The following SMARCAD1 variants were observed in gnomAD, a reference collection of about 807,000 sequenced individuals.
SMARCAD1 encodes the protein SWI/SNF-related matrix-associated actin-dependent regulator of chromatin subfamily A containing DEAD/H box 1.
SMARCAD1 carries 25 observed loss-of-function variants against 127.1 expected under a neutral mutation model. That is an observed-to-expected ratio of 0.20 (90% CI 0.14 to 0.27). SMARCAD1 has a LOEUF of 0.27. Among genes scored for constraint, SMARCAD1 ranks in the 10% least tolerant of loss-of-function variants. The pLI is 1.00. For missense variants in SMARCAD1, 807 were observed against 1,206.0 expected (o/e 0.67, Z 4.90); for synonymous variants, 400 against 396.9 (o/e 1.01, Z -0.09).
chr4:94,283,652 C>T (rs1020438369), intron 22 of SMARCAD1, among the ~76,000 whole-genome samples: 11 of 152,078 alleles, frequency 7.2e-5, no homozygotes, highest in South Asian at 2.1e-4. Flanking sequence ...GGTGAAACCC[C>T]GTCTCTATTA....
intron 2 of SMARCAD1, among the ~76,000 whole-genome samples, chr4:94,212,162 T>A (rs1407859183): frequency 6.6e-6 from 1 of 152,146 alleles, no homozygotes; most frequent in Admixed American, 6.5e-5. Flanking sequence ...ACTTTATACA[T>A]TTTTTAAAAT....
chr4:94,269,853 G>T (rs1752289089), intron 10 of SMARCAD1, among the ~76,000 whole-genome samples: 1 of 151,756 alleles, frequency 6.6e-6, no homozygotes, highest in Non-Finnish European at 1.5e-5. Context: ...TGTATTTTTG[G>T]TAGAGATAGC....
At chr4:94,208,160 A>G (rs1741532332) in intron 1 of SMARCAD1, 90 bp downstream of exon 1, 1 of 672,514 alleles carries the variant, frequency 1.5e-6, no homozygotes, top group Admixed American at 2.0e-5. Flanking sequence ...AAAGCAATGG[A>G]AAATTTTAAA....
At chr4:94,208,127 G>C (rs1314943545) in intron 1 of SMARCAD1, 57 bp downstream of exon 1, 10 of 590,478 alleles carry the variant, frequency 1.7e-5, no homozygotes, top group Admixed American at 4.3e-5. Context: ...GGGCGGGCGG[G>C]GGAGGCGGAC....
chr4:94,234,202 C>A, intron 4 of SMARCAD1, 80 bp downstream of exon 4: 1 of 1,263,884 alleles, frequency 7.9e-7, no homozygotes, highest in South Asian at 1.3e-5. Flanking sequence ...AGTGGATAGT[C>A]ATTTTTCTAA....
intron 9 of SMARCAD1, among the ~76,000 whole-genome samples, chr4:94,263,150 T>G (rs916504403): frequency 6.6e-6 from 1 of 152,102 alleles, no homozygotes; most frequent in African/African-American, 2.4e-5. Flanking sequence ...ATCTAATAGT[T>G]ACTAGCACAT....
Position 94,249,672 on chromosome 4 carries a change from T to C in SMARCAD1, c.724T>C (p.Ser242Pro), listed in dbSNP as rs1309771341. 2 of 1,600,316 alleles carry C rather than the reference T, an allele frequency of 1.2e-6. No individual in the cohort carries two copies. The highest frequency in any genetic ancestry group is 2.2e-5 in the South Asian group (2 of 90,672). Residue 242 changes from serine to proline, a missense_variant, in exon 7 of 24, where the codon TCT becomes CCT. Ser to Pro is a moderately conservative substitution (Grantham distance 74). Around this residue, in one of 8 missense-constraint regions of SMARCAD1, gnomAD observed 257 missense variants for 303.4 expected, o/e 0.85. Transcript: ENST00000354268. ...CCATTAGGGAGAGGAATCAAATGAGTCTGCAGAATCTAGCAGTAATTGGGA... is the reference window on the plus strand; with the variant it reads ...CCATTAGGGAGAGGAATCAAATGAGCCTGCAGAATCTAGCAGTAATTGGGA... ...RLDHGEESNE[S>P]AESSSNWEKQ...
intron 9 of SMARCAD1, among the ~76,000 whole-genome samples, chr4:94,263,169 C>T (rs1359776436): frequency 1.3e-5 from 2 of 152,042 alleles, no homozygotes; most frequent in Non-Finnish European, 2.9e-5. Context: ...ATAAATGGCA[C>T]CTAATGTATG....
At chr4:94,241,072 G>A (rs902911444) in intron 6 of SMARCAD1, 66 bp downstream of exon 6, 5 of 1,113,496 alleles carry the variant, frequency 4.5e-6, no homozygotes, top group African/African-American at 3.1e-5. Context: ...TGGAGTTTGT[G>A]GATATTATTA....
At position 94,278,738 on chromosome 4, in the gene SMARCAD1, A is replaced by G; in HGVS notation, c.2296+5A>G. On this transcript the variant is annotated splice_donor_5th_base_variant and intron_variant, in intron 18 of 23. Transcript: ENST00000354268. The stretch of plus-strand genomic sequence containing the variant: ...AAAAATCTATCAATAACTTGGGTAT[A>G]ATCTGATTTTTACTCTTTTATGTGA... 1 of 1,612,506 alleles carries G rather than the reference A, an allele frequency of 6.2e-7. No homozygotes were observed. Among genetic ancestry groups the G allele is most frequent in the Non-Finnish European group, 8.5e-7 (1 of 1,178,610 alleles).
chr4:94,226,907 T>C (rs149886901), intron 3 of SMARCAD1, among the ~76,000 whole-genome samples: 150 of 152,154 alleles, frequency 9.9e-4, no homozygotes, highest in African/African-American at 3.4e-3. Flanking sequence ...TCTTGCTATG[T>C]TGTCCAGGCT....
intron 8 of SMARCAD1, among the ~76,000 whole-genome samples, chr4:94,251,385 T>A (rs905218573): frequency 6.6e-6 from 1 of 152,224 alleles, no homozygotes; most frequent in Non-Finnish European, 1.5e-5. Context: ...TAGCTCTTCA[T>A]AATTGCAAAC....
intron 8 of SMARCAD1, among the ~76,000 whole-genome samples, 175 bp downstream of exon 8, chr4:94,251,008 G>A (rs112986636): frequency 1.3e-5 from 2 of 152,110 alleles, no homozygotes; most frequent in East Asian, 3.8e-4. Flanking sequence ...TAAATGTTTT[G>A]ACCTGCCTGT....
rs562187267 is a variant in SMARCAD1 at position 94,283,974 on chromosome 4, T to C, written c.2909+671T>C. 1.5e-4 allele frequency among the ~76,000 whole-genome samples: 23 copies of C among 151,616 alleles called. 1 individual carries two copies. The South Asian group carries it at 4.6e-3, about 30-fold the overall frequency. On this transcript the variant is annotated intron_variant, in intron 22 of 23. Coordinates refer to ENST00000354268, the MANE Select transcript of SMARCAD1 (RefSeq NM_020159.5). ...GTTACCCTTTAGGAAGTAAATTGAG[T>C]TGTAAATTATTTTAGATGAATGGTA...
intron 9 of SMARCAD1, among the ~76,000 whole-genome samples, chr4:94,258,790 A>C (rs1419130914): frequency 6.6e-6 from 1 of 152,338 alleles, no homozygotes; most frequent in Admixed American, 6.5e-5. Context: ...AAAGTCTAAA[A>C]ATTAAATGCC....
At position 94,274,883 on chromosome 4, in the gene SMARCAD1, ATTC is replaced by A. The variant is rs1753045006; in HGVS notation, c.1733-5_1733-3del. The A allele has an allele frequency of 1.2e-6, 2 of 1,604,084 alleles. No homozygotes were observed. Among genetic ancestry groups the A allele is most frequent in the Non-Finnish European group, 1.7e-6 (2 of 1,171,074 alleles). On this transcript the variant is annotated splice_region_variant and splice_polypyrimidine_tract_variant and intron_variant, in intron 13 of 23. Coordinates refer to ENST00000354268, the MANE Select transcript of SMARCAD1 (RefSeq NM_020159.5). Reference sequence around the variant, plus strand: ...ATAGTCATGTGTTTATTGTTTTTAAATTCTAGGTTCTCAAGAAGAACGTAAACA... The same window carrying A: ...ATAGTCATGTGTTTATTGTTTTTAAATAGGTTCTCAAGAAGAACGTAAACA...
In SMARCAD1 at chr4:94,290,749, T is replaced by C. The variant is rs1253781035; in HGVS notation, c.*1215T>C. The C allele has an allele frequency of 4.7e-6, 2 of 428,828 alleles. No homozygotes were observed. 26.6% of individuals were successfully genotyped at this position (428,828 alleles called of 1,614,324 possible). A position where few individuals can be genotyped will look rare whatever the true frequency, so the allele number is the denominator to read the frequency against. On this transcript the variant is annotated 3_prime_UTR_variant, in exon 24 of 24. Coordinates refer to ENST00000354268, the MANE Select transcript of SMARCAD1 (RefSeq NM_020159.5). ...TTTATTATACATCAGTTTCTTTGTA[T>C]AACTTGTGAGTTCCATGTGTTTTGT...
Position 94,290,747 on chromosome 4 carries a change from T to C in SMARCAD1, c.*1213T>C, listed in dbSNP as rs1198236707. 1 of 428,894 alleles carries C rather than the reference T, an allele frequency of 2.3e-6. No individual in the cohort carries two copies. The highest frequency in any genetic ancestry group is 2.6e-5 in the Admixed American group (1 of 37,906). 26.6% of individuals were successfully genotyped at this position (428,894 alleles called of 1,614,324 possible). On this transcript the variant is annotated 3_prime_UTR_variant, in exon 24 of 24. Transcript: ENST00000354268. ...TTTTTATTATACATCAGTTTCTTTG[T>C]ATAACTTGTGAGTTCCATGTGTTTT...
At position 94,289,804 on chromosome 4, in the gene SMARCAD1, G is replaced by A. The variant is rs1475213747; in HGVS notation, c.*270G>A. 1 of 551,320 alleles carries A rather than the reference G, an allele frequency of 1.8e-6. No individual in the cohort carries two copies. The highest frequency in any genetic ancestry group is 3.4e-6 in the Non-Finnish European group (1 of 290,216). 34.2% of individuals were successfully genotyped at this position (551,320 alleles called of 1,614,324 possible). Reference sequence around the variant, plus strand: ...CAGTTTTCTGAATGGGGATTAGTTGGTGATTGTTTGTAACAAATATGCTAA... The same window carrying A: ...CAGTTTTCTGAATGGGGATTAGTTGATGATTGTTTGTAACAAATATGCTAA... On this transcript the variant is annotated 3_prime_UTR_variant, in exon 24 of 24. Coordinates refer to ENST00000354268, the MANE Select transcript of SMARCAD1 (RefSeq NM_020159.5).
Sources: allele counts gnomAD v4.1 joint callset (sites outside exome capture counted in the v4.1 genomes callset), GRCh38; gene constraint gnomAD v4.1.1; regional missense constraint gnomAD v4.1.1; transcripts MANE v1.5; gene names NCBI Gene and HGNC (gene_info 2026-07-23, HGNC 2026-07-21).